Variants in DYNC2H1 observed in about 807,000 individuals in gnomAD.
DYNC2H1 encodes dynein cytoplasmic 2 heavy chain 1.
In DYNC2H1, 410 loss-of-function variants were observed where a neutral mutation model predicts 570.0. The observed-to-expected ratio is 0.72, with a 90% CI of 0.66 to 0.78. The LOEUF (loss-of-function observed/expected upper bound fraction) is 0.78, where lower values mean the gene tolerates loss of function less well. Among genes scored for constraint, DYNC2H1 ranks in the 30% least tolerant of loss-of-function variants. The probability of loss-of-function intolerance (pLI) is 0.00; values close to 1 mark genes in which losing one functional copy is unlikely to be tolerated. For missense variants in DYNC2H1, 4,865 were observed against 5,046.4 expected (o/e 0.96, Z 1.09); for synonymous variants, 1,688 against 1,677.6 (o/e 1.01, Z -0.15).
At position 103,170,191 on chromosome 11, in the gene DYNC2H1, A is replaced by G; in HGVS notation, c.5052A>G (p.Gly1684=). The change falls in exon 33 of 89, where the codon GGA becomes GGG. Residue 1684 remains glycine (G), a synonymous_variant. Transcript: ENST00000375735. The surrounding 1 kb of genome is among the most constrained non-coding windows in gnomAD (Gnocchi z 4.8). Reference sequence around the variant, plus strand: ...CTCAAGCCATGAAGATGGGACTTGGAGGAAATCCTTATGGACCAGCTGGAA... The same window carrying G: ...CTCAAGCCATGAAGATGGGACTTGGGGGAAATCCTTATGGACCAGCTGGAA... The part of the protein sequence containing the change: ...TLTQAMKMGL[G]GNPYGPAGTG... 6.2e-7 allele frequency: 1 copy of G among 1,613,090 alleles called. No homozygotes were observed.
chr11:103,136,281 A>G (rs1209374013), intron 17 of DYNC2H1, among the ~76,000 whole-genome samples: 4 of 151,428 alleles, frequency 2.6e-5, no homozygotes, highest in African/African-American at 9.7e-5. Flanking sequence ...CACAATGTGC[A>G]GGTTACATAT....
chr11:103,435,468 TTTTA>T (rs1478286616), intron 84 of DYNC2H1, among the ~76,000 whole-genome samples: 1 of 151,980 alleles, frequency 6.6e-6, no homozygotes, highest in Non-Finnish European at 1.5e-5. Context: ...CTTAGAGGGG[TTTTA>T]TTTATTTTTA....
intron 13 of DYNC2H1, among the ~76,000 whole-genome samples, chr11:103,132,529 C>T (rs756001609): frequency 1.3e-5 from 2 of 151,814 alleles, no homozygotes; most frequent in African/African-American, 4.8e-5. Flanking sequence ...TTTTTTAGCT[C>T]TTGGTATCAC....
chr11:103,385,258 G>T (rs944658070), intron 83 of DYNC2H1, among the ~76,000 whole-genome samples: 69 of 151,960 alleles, frequency 4.5e-4, no homozygotes, highest in African/African-American at 1.5e-3. Flanking sequence ...TTTAAATTTT[G>T]ACTACTTCAC....
intron 79 of DYNC2H1, among the ~76,000 whole-genome samples, chr11:103,314,686 A>G (rs533396793): frequency 1.3e-5 from 2 of 152,052 alleles, no homozygotes; most frequent in African/African-American, 4.8e-5. Flanking sequence ...TTCATACCAT[A>G]CTGTTGTTGT....
chr11:103,201,740 C>T lies in DYNC2H1; in HGVS notation c.8197+1586C>T, dbSNP rs538640773. 1.4e-3 allele frequency among the ~76,000 whole-genome samples: 206 copies of T among 152,080 alleles called. No homozygotes were observed. The highest frequency in any genetic ancestry group is 2.2e-3 in the Non-Finnish European group (150 of 67,992). ...GGTGTCTTCCTGGGGAGGACACTTG[C>T]GAATTCCTATATTTCTTCCTTTTTT... is the stretch of plus-strand genomic sequence containing the variant. On this transcript the variant is annotated intron_variant, in intron 50 of 88. Transcript: ENST00000375735. The surrounding 1 kb of genome is among the most constrained non-coding windows in gnomAD (Gnocchi z 4.8).
chr11:103,236,043 T>TA (rs1240489956), intron 62 of DYNC2H1, among the ~76,000 whole-genome samples: 10 of 151,958 alleles, frequency 6.6e-5, no homozygotes, highest in Non-Finnish European at 1.0e-4. Context: ...TAAATCACTG[T>TA]AAAAAACTGA....
rs1442428723 is a variant in DYNC2H1 at position 103,239,800 on chromosome 11, T to A, written c.9819+3261T>A. Among the ~76,000 whole-genome samples the A allele has an allele frequency of 6.6e-6, 1 of 152,178 alleles. No homozygotes were observed. Among genetic ancestry groups the A allele is most frequent in the Admixed American group, 6.5e-5 (1 of 15,272 alleles). On this transcript the variant is annotated intron_variant, in intron 63 of 88. Transcript: ENST00000375735. The surrounding 1 kb of genome is among the most constrained non-coding windows in gnomAD (Gnocchi z 4.3). ...CATTTATAAGTATTGAAAATAGACA[T>A]AACATTATAGGGTGTACTAGGTGTT... is the stretch of plus-strand genomic sequence containing the variant.
chr11:103,436,079 T>C (rs776428508), intron 85 of DYNC2H1, 47 bp downstream of exon 85: 3 of 1,543,912 alleles, frequency 1.9e-6, no homozygotes, highest in Admixed American at 1.7e-5. Flanking sequence ...TGTGTGACTA[T>C]TGTATTATAG....
At position 103,326,876 on chromosome 11, in the gene DYNC2H1, A is replaced by G. The variant is rs2135451392; in HGVS notation, c.12039+2886A>G. 6.6e-6 allele frequency among the ~76,000 whole-genome samples: 1 copy of G among 152,282 alleles called. No homozygotes were observed. Among genetic ancestry groups the G allele is most frequent in the South Asian group, 2.1e-4 (1 of 4,824 alleles). On this transcript the variant is annotated intron_variant, in intron 82 of 88. Transcript: ENST00000375735. This position sits in a 1 kb window ranked among gnomAD's most constrained non-coding sequence, Gnocchi z 6.1. ...GAATGGGCACTTAGGGCCTTACTCT[A>G]CTACAGCTGTCCTGCACACAAAAGC...
chr11:103,258,864 T>G (rs1865162580), intron 69 of DYNC2H1, among the ~76,000 whole-genome samples: 1 of 152,180 alleles, frequency 6.6e-6, no homozygotes, highest in African/African-American at 2.4e-5. Flanking sequence ...TGTCTTATGA[T>G]AGAGTGACTT....
chr11:103,408,093 A>G (rs1942937341), intron 84 of DYNC2H1: 1 of 151,992 alleles, frequency 6.6e-6, no homozygotes, highest in Admixed American at 6.6e-5. Context: ...AAAATTAATA[A>G]GAGGATCCGG....
chr11:103,335,215 G>GA (rs60419702), intron 82 of DYNC2H1, among the ~76,000 whole-genome samples: 14 of 151,554 alleles, frequency 9.2e-5, no homozygotes, highest in African/African-American at 2.7e-4. Context: ...ATTTCCCTTT[G>GA]AAAAAAAAGA....
At chr11:103,227,829 G>T (rs1863858349) in intron 59 of DYNC2H1, among the ~76,000 whole-genome samples, 1 of 152,052 alleles carries the variant, frequency 6.6e-6, no homozygotes. Flanking sequence ...CATTTCTTAG[G>T]TCTAGTAGTA....
At chr11:103,423,425 A>AC (rs1943558271) in intron 84 of DYNC2H1, among the ~76,000 whole-genome samples, 5 of 150,504 alleles carry the variant, frequency 3.3e-5, no homozygotes, top group African/African-American at 1.2e-4. Flanking sequence ...AAAAAAAAAA[A>AC]AAAAAAAAAA....
chr11:103,211,999 G>T, intron 54 of DYNC2H1, 56 bp downstream of exon 54: 3 of 1,360,200 alleles, frequency 2.2e-6, no homozygotes, highest in Non-Finnish European at 2.9e-6. Flanking sequence ...CAAGAGTTTT[G>T]TAAATCACAA....
At chr11:103,116,391 TG>T (rs1330723917) in intron 4 of DYNC2H1, among the ~76,000 whole-genome samples, 178 bp from the exon 5 acceptor site, 1 of 152,072 alleles carries the variant, frequency 6.6e-6, no homozygotes, top group African/African-American at 2.4e-5. Context: ...CATTGATGTT[TG>T]GGGGGAAATT....
chr11:103,396,733 T>C lies in DYNC2H1; in HGVS notation c.12157-2930T>C, dbSNP rs534928511. Among the ~76,000 whole-genome samples the C allele has an allele frequency of 2.6e-5, 4 of 152,328 alleles. No homozygotes were observed. In the South Asian group the frequency reaches 8.3e-4, roughly 32 times the overall value. ...TGCCTAAATGAGTTTTCTTGCTTAA[T>C]AGTTAAGTTTTAAATATTGATAACC... On this transcript the variant is annotated intron_variant, in intron 83 of 88. Coordinates refer to ENST00000375735, the MANE Select transcript of DYNC2H1 (RefSeq NM_001377.3).
Position 103,358,328 on chromosome 11 carries a change from C to G in DYNC2H1, c.12125C>G (p.Pro4042Arg). 1 of 1,583,114 alleles carries G rather than the reference C, an allele frequency of 6.3e-7. No individual in the cohort carries two copies. The highest frequency in any genetic ancestry group is 2.3e-5 in the East Asian group (1 of 43,918). The change falls in exon 83 of 89, where the codon CCT becomes CGT. Residue 4042 changes from proline (P) to arginine (R), a missense_variant. Around this residue, in one of 5 missense-constraint regions of DYNC2H1, gnomAD observed 2,401 missense variants for 2,454.6 expected, o/e 0.98. Coordinates refer to ENST00000375735, the MANE Select transcript of DYNC2H1 (RefSeq NM_001377.3). ...DREIWSNELS[P>R]VLNLWKKLNQ... The stretch of plus-strand genomic sequence containing the variant: ...GAAATCTGGTCTAATGAACTTTCTC[C>G]TGTCCTCAATCTCTGGAAGAAACTA...
Sources: gnomAD v4.1 joint callset for allele counts (sites outside exome capture counted in the v4.1 genomes callset) on GRCh38, gnomAD v4.1.1 for gene constraint, gnomAD v4.1.1 regional missense constraint, Gnocchi (gnomAD v3.1) non-coding constraint, MANE v1.5 for transcripts, NCBI Gene and HGNC (gene_info 2026-07-23, HGNC 2026-07-21) for gene names.